The following COL25A1 variants were observed in gnomAD, a reference collection of about 807,000 sequenced individuals.
The protein encoded by COL25A1 is collagen type XXV alpha 1 chain, also known as collagen alpha-1(XXV) chain.
COL25A1 carries 103 observed loss-of-function variants against 128.4 expected under a neutral mutation model. That is an observed-to-expected ratio of 0.80 (90% CI 0.68 to 0.94). The LOEUF is 0.94. Ranked by LOEUF, COL25A1 falls within the 40% of genes least tolerant of loss-of-function variation. COL25A1 has a pLI of 0.00. For missense variants in COL25A1, 745 were observed against 840.0 expected (o/e 0.89, Z 1.40); for synonymous variants, 279 against 277.2 (o/e 1.01, Z -0.06).
At chr4:109,224,748 G>A (rs7662008) in intron 3 of COL25A1, among the ~76,000 whole-genome samples, 4 of 151,790 alleles carry the variant, frequency 2.6e-5, no homozygotes, top group East Asian at 1.9e-4. Context: ...GAGATCAGCC[G>A]GACCAACATG....
At chr4:109,135,153 C>T (rs1249932548) in intron 3 of COL25A1, among the ~76,000 whole-genome samples, 1 of 151,804 alleles carries the variant, frequency 6.6e-6, no homozygotes, top group African/African-American at 2.4e-5. Context: ...AGGTCTTGGG[C>T]CCTCTGGCTT....
intron 5 of COL25A1, among the ~76,000 whole-genome samples, chr4:109,021,548 C>A (rs1757768489): frequency 6.6e-6 from 1 of 151,932 alleles, no homozygotes; most frequent in South Asian, 2.1e-4. Context: ...TGTGTTTGAA[C>A]AATATGAAAT....
At chr4:109,139,503 G>A (rs1291073187) in intron 3 of COL25A1, among the ~76,000 whole-genome samples, 1 of 152,092 alleles carries the variant, frequency 6.6e-6, no homozygotes, top group Non-Finnish European at 1.5e-5. Flanking sequence ...TTTGTATGAA[G>A]TGTAAGGAAG....
chr4:109,060,190 T>A (rs571606832), intron 3 of COL25A1, among the ~76,000 whole-genome samples: 1 of 152,338 alleles, frequency 6.6e-6, no homozygotes, highest in East Asian at 1.9e-4. Flanking sequence ...TGTGAGGTAC[T>A]GAGCACGTGG....
intron 6 of COL25A1, among the ~76,000 whole-genome samples, chr4:108,992,926 A>T (rs1310262187): frequency 6.6e-6 from 1 of 152,142 alleles, no homozygotes; most frequent in African/African-American, 2.4e-5. Context: ...AATAAAAATT[A>T]TATGCATTTT....
chr4:108,919,115 T>C (rs1039432463), intron 12 of COL25A1, among the ~76,000 whole-genome samples: 4 of 152,158 alleles, frequency 2.6e-5, no homozygotes, highest in African/African-American at 9.7e-5. Context: ...ATTTCTTTAA[T>C]AATAATGGGG....
intron 18 of COL25A1, among the ~76,000 whole-genome samples, chr4:108,885,689 A>G (rs1156549243): frequency 1.3e-5 from 2 of 152,164 alleles, no homozygotes; most frequent in Non-Finnish European, 2.9e-5. Context: ...ATTCTCTTTT[A>G]TGTTAAAAAA....
chr4:109,023,121 C>G (rs1005167338), intron 5 of COL25A1, among the ~76,000 whole-genome samples: 2 of 152,182 alleles, frequency 1.3e-5, no homozygotes, highest in African/African-American at 4.8e-5. Context: ...TTCTTCTAAT[C>G]TTAGGCAATA....
intron 3 of COL25A1, among the ~76,000 whole-genome samples, chr4:109,111,081 C>T (rs903890434): frequency 6.6e-5 from 10 of 152,210 alleles, no homozygotes; most frequent in African/African-American, 2.4e-4. Context: ...TCTCTGGCCA[C>T]TGTTCCAGAT....
At chr4:109,159,506 G>GC (rs1172089942) in intron 3 of COL25A1, among the ~76,000 whole-genome samples, 2 of 152,156 alleles carry the variant, frequency 1.3e-5, no homozygotes, top group Non-Finnish European at 2.9e-5. Context: ...ACCATCCTTT[G>GC]CTAGGTCTTT....
chr4:109,068,062 T>C (rs1474630225), intron 3 of COL25A1, among the ~76,000 whole-genome samples: 1 of 152,198 alleles, frequency 6.6e-6, no homozygotes, highest in Non-Finnish European at 1.5e-5. Flanking sequence ...GCCATTGCTT[T>C]CGGTGGCTCC....
intron 3 of COL25A1, among the ~76,000 whole-genome samples, chr4:109,213,642 A>G (rs977573500): frequency 4.6e-5 from 7 of 152,190 alleles, no homozygotes; most frequent in African/African-American, 1.7e-4. Flanking sequence ...CTGCAGCCCC[A>G]GTTGAGCTAT....
chr4:109,085,654 T>G (rs934615079), intron 3 of COL25A1, among the ~76,000 whole-genome samples: 5 of 152,208 alleles, frequency 3.3e-5, no homozygotes, highest in African/African-American at 1.2e-4. Context: ...TAGCATTCAG[T>G]GTTCCCTGCA....
chr4:109,206,809 G>A (rs945704452), intron 3 of COL25A1, among the ~76,000 whole-genome samples: 5 of 152,142 alleles, frequency 3.3e-5, no homozygotes, highest in East Asian at 1.9e-4. Flanking sequence ...GGGGATGAGT[G>A]GGAAAAACAA....
intron 16 of COL25A1, among the ~76,000 whole-genome samples, chr4:108,892,500 T>C (rs1013084764): frequency 6.6e-6 from 1 of 152,208 alleles, no homozygotes; most frequent in Non-Finnish European, 1.5e-5. Context: ...GCCAGACATA[T>C]CTATTAATAG....
intron 3 of COL25A1, among the ~76,000 whole-genome samples, chr4:109,057,428 T>TTTG: frequency 8.6e-6 from 1 of 116,370 alleles, no homozygotes; most frequent in African/African-American, 3.4e-5. Context: ...CTAATTTTTT[T>TTTG]TTTTTTTTTT....
intron 6 of COL25A1, among the ~76,000 whole-genome samples, chr4:108,984,879 G>A (rs546224208): frequency 1.3e-5 from 2 of 152,254 alleles, no homozygotes; most frequent in African/African-American, 2.4e-5. Flanking sequence ...AAGAGCCAGC[G>A]ACGGCTGTGA....
At chr4:109,033,042 G>A (rs1247005109) in intron 5 of COL25A1, among the ~76,000 whole-genome samples, 2 of 152,232 alleles carry the variant, frequency 1.3e-5, no homozygotes, top group Non-Finnish European at 2.9e-5. Context: ...CTCCATAAAG[G>A]ATGGAAAGCC....
intron 3 of COL25A1, among the ~76,000 whole-genome samples, chr4:109,115,126 CA>C (rs1223941237): frequency 6.6e-6 from 1 of 151,952 alleles, no homozygotes; most frequent in African/African-American, 2.4e-5. Context: ...AGAGTCAAAA[CA>C]AGGTATAACA....
Sources: allele counts gnomAD v4.1 joint callset (sites outside exome capture counted in the v4.1 genomes callset), GRCh38; gene constraint gnomAD v4.1.1; transcripts MANE v1.5; gene names NCBI Gene and HGNC (gene_info 2026-07-23, HGNC 2026-07-21).